SLC44A5: variants seen among roughly 807,000 people sequenced by gnomAD.
SLC44A5 encodes the protein solute carrier family 44 member 5.
In SLC44A5, 57 loss-of-function variants were observed where a neutral mutation model predicts 101.8. The ratio of observed to expected loss-of-function variants is 0.56; its 90% confidence interval spans 0.45 to 0.70. The LOEUF (loss-of-function observed/expected upper bound fraction) is 0.70. Ranked by LOEUF, SLC44A5 falls within the 30% of genes least tolerant of loss-of-function variation. The probability of loss-of-function intolerance (pLI) is 0.00; values close to 1 mark genes in which losing one functional copy is unlikely to be tolerated. For synonymous variants in SLC44A5, 281 were observed against 290.9 expected, an observed-to-expected ratio of 0.97 and a Z score of 0.35; for missense variants, 737 against 853.1, an observed-to-expected ratio of 0.86 and a Z score of 1.70.
chr1:75,223,506 A>C (rs774536021), intron 13 of SLC44A5, among the ~76,000 whole-genome samples: 4 of 152,234 alleles, frequency 2.6e-5, no homozygotes, highest in Non-Finnish European at 5.9e-5. Flanking sequence ...AGAAGTGTTA[A>C]AAAGTAAAAG....
At chr1:75,695,764 TATAA>T in the SLC44A5 span, among the ~76,000 whole-genome samples, 1 of 148,276 alleles carries the variant, frequency 6.7e-6, no homozygotes, top group Non-Finnish European at 1.5e-5. Context: ...ATAATTTATA[TATAA>T]ATAAAATAGT....
chr1:75,630,594 C>CTATTATTAT, the SLC44A5 span, among the ~76,000 whole-genome samples: 295 of 151,280 alleles, frequency 2.0e-3, no homozygotes, highest in Middle Eastern at 3.4e-3. Flanking sequence ...CCTTTTTTCA[C>CTATTATTAT]TATTATTATT....
intron 5 of SLC44A5, among the ~76,000 whole-genome samples, chr1:75,281,504 C>G (rs754250383): frequency 4.6e-5 from 7 of 152,014 alleles, no homozygotes; most frequent in Admixed American, 2.6e-4. Flanking sequence ...GTCTAAGTAT[C>G]AAGCAGCCAG....
At chr1:75,264,822 T>G (rs1650855201) in intron 6 of SLC44A5, among the ~76,000 whole-genome samples, 1 of 151,548 alleles carries the variant, frequency 6.6e-6, no homozygotes, top group African/African-American at 2.4e-5. Context: ...TGGAAACAAT[T>G]AACAAAACAA....
At chr1:75,421,976 G>A (rs1250823861) in intron 2 of SLC44A5, among the ~76,000 whole-genome samples, 2 of 152,072 alleles carry the variant, frequency 1.3e-5, no homozygotes, top group African/African-American at 4.8e-5. Flanking sequence ...AATTTGAGGA[G>A]TGGGCTGTGA....
rs1230658585 is a variant in SLC44A5 at position 75,603,973 on chromosome 1, A to G, written c.-70+7067T>C. 1.7e-4 allele frequency among the ~76,000 whole-genome samples: 26 copies of G among 150,942 alleles called. 1 individual carries two copies. Among genetic ancestry groups the G allele is most frequent in the Admixed American group, 1.7e-3 (26 of 15,148 alleles). ...CTCCCACTCTGTAGGTTGTCTGTTTACTCTGTTGATAGTTTCTTTTGTTGT... is the reference window on the plus strand; with the variant it reads ...CTCCCACTCTGTAGGTTGTCTGTTTGCTCTGTTGATAGTTTCTTTTGTTGT... On this transcript the variant is annotated intron_variant, in intron 1 of 23. Coordinates refer to ENST00000370859, the MANE Select transcript of SLC44A5 (RefSeq NM_001130058.2).
chr1:75,637,865 C>A, the SLC44A5 span, among the ~76,000 whole-genome samples: 1 of 151,916 alleles, frequency 6.6e-6, no homozygotes, highest in African/African-American at 2.4e-5. Context: ...AAGGACTATC[C>A]ATGAGATCCC....
At chr1:75,248,519 A>G (rs1649307583) in intron 7 of SLC44A5, among the ~76,000 whole-genome samples, 1 of 152,046 alleles carries the variant, frequency 6.6e-6, no homozygotes, top group Non-Finnish European at 1.5e-5. Flanking sequence ...AGAGAGGGAG[A>G]TTTTAACAGT....
chr1:75,588,656 G>A (rs6664075), intron 1 of SLC44A5, among the ~76,000 whole-genome samples: 83 of 152,028 alleles, frequency 5.5e-4, no homozygotes, highest in African/African-American at 1.8e-3. Context: ...CATTGTACCC[G>A]GCATGATAGA....
At chr1:75,703,561 A>G in the SLC44A5 span, among the ~76,000 whole-genome samples, 2 of 152,012 alleles carry the variant, frequency 1.3e-5, no homozygotes, top group Non-Finnish European at 2.9e-5. Flanking sequence ...ACCTAATGTT[A>G]AGTGATGAGT....
In SLC44A5 at chr1:75,295,142, C is replaced by T. The variant is rs556486779; in HGVS notation, c.175+5470G>A. On this transcript the variant is annotated intron_variant, in intron 5 of 23. Coordinates refer to ENST00000370859, the MANE Select transcript of SLC44A5 (RefSeq NM_001130058.2). ...ACATATACTAAAATACCAGGTTGTA[C>T]ACCTTAAATATATACTTTTTAAAAT... Among the ~76,000 whole-genome samples the T allele has an allele frequency of 4.6e-5, 7 of 152,276 alleles. No individual in the cohort carries two copies. In the South Asian group the frequency reaches 6.2e-4, roughly 14 times the overall value.
At chr1:75,593,925 GAATT>G (rs1003798565) in intron 1 of SLC44A5, among the ~76,000 whole-genome samples, 18 of 151,864 alleles carry the variant, frequency 1.2e-4, no homozygotes, top group Non-Finnish European at 2.4e-4. Flanking sequence ...ACAAAAAATA[GAATT>G]AATAAGACAT....
intron 11 of SLC44A5, among the ~76,000 whole-genome samples, chr1:75,236,231 G>A (rs17096501): frequency 0.016 from 2,453 of 151,990 alleles, 80 homozygotes; most frequent in African/African-American, 0.056. Context: ...ATTGGGCTAG[G>A]TTTTAAAGGG....
intron 10 of SLC44A5, among the ~76,000 whole-genome samples, chr1:75,237,730 G>A (rs1034387200): frequency 1.3e-5 from 2 of 151,926 alleles, no homozygotes; most frequent in African/African-American, 4.8e-5. Context: ...AATCATATTT[G>A]TATCATTATT....
chr1:75,560,868 G>T (rs1253015402), intron 1 of SLC44A5, among the ~76,000 whole-genome samples: 2 of 152,064 alleles, frequency 1.3e-5, no homozygotes, highest in African/African-American at 2.4e-5. Context: ...CCTTTTAAAG[G>T]TATGTTTTCA....
rs376192077 is a variant in SLC44A5 at position 75,501,417 on chromosome 1, GT to G, written c.13+40017del. 9.9e-5 allele frequency among the ~76,000 whole-genome samples: 15 copies of G among 152,280 alleles called. No individual in the cohort carries two copies. In the East Asian group the frequency reaches 2.5e-3, roughly 25 times the overall value. On this transcript the variant is annotated intron_variant, in intron 2 of 23. Coordinates refer to ENST00000370859, the MANE Select transcript of SLC44A5 (RefSeq NM_001130058.2). ...AGATATTTCTTTGTCAACAGAGATT[GT>G]TACTACATTCCCATAATTTGCACAA...
intron 6 of SLC44A5, among the ~76,000 whole-genome samples, chr1:75,253,582 A>T (rs1481598530): frequency 6.6e-6 from 1 of 152,182 alleles, no homozygotes; most frequent in African/African-American, 2.4e-5. Context: ...CCAGTCAACT[A>T]CATCATCCAC....
intron 1 of SLC44A5, chr1:75,582,395 C>G: frequency 1.3e-6 from 1 of 760,558 alleles, no homozygotes; most frequent in Non-Finnish European, 2.2e-6. Context: ...CCACATTGCC[C>G]ACTCCAAGCT....
At chr1:75,254,783 CAG>C (rs889844780) in intron 6 of SLC44A5, among the ~76,000 whole-genome samples, 1 of 152,068 alleles carries the variant, frequency 6.6e-6, no homozygotes, top group African/African-American at 2.4e-5. Context: ...GTAGCCAAAG[CAG>C]AGAGATTAAT....
Sources: gnomAD v4.1 joint callset for allele counts (sites outside exome capture counted in the v4.1 genomes callset) on GRCh38, gnomAD v4.1.1 for gene constraint, MANE v1.5 for transcripts, NCBI Gene and HGNC (gene_info 2026-07-23, HGNC 2026-07-21) for gene names.